LMLN: variants seen among roughly 807,000 people sequenced by gnomAD.
The protein encoded by LMLN is leishmanolysin like peptidase.
A neutral mutation model predicts 92.3 loss-of-function variants in LMLN; 70 were observed. The observed-to-expected ratio is 0.76, with a 90% CI of 0.63 to 0.92. The LOEUF is 0.92. LMLN is among the 40% of genes least tolerant of loss of function. The pLI, the probability that LMLN is intolerant of heterozygous loss-of-function variation, is 0.00. For synonymous variants in LMLN, 308 were observed against 296.2 expected (o/e 1.04, Z -0.41); for missense variants, 691 against 814.6 (o/e 0.85, Z 1.85).
intron 7 of LMLN, among the ~76,000 whole-genome samples, chr3:197,984,282 G>T (rs542873889): frequency 6.6e-6 from 1 of 151,968 alleles, no homozygotes; most frequent in Non-Finnish European, 1.5e-5. Flanking sequence ...TGGGAGGATG[G>T]CTTGAGCCCA....
At chr3:197,967,732 G>T (rs1484140174) in intron 1 of LMLN, among the ~76,000 whole-genome samples, 8 of 152,138 alleles carry the variant, frequency 5.3e-5, no homozygotes, top group African/African-American at 1.9e-4. Context: ...AACCCTGAGG[G>T]TACTGCAGGA....
At chr3:198,030,857 G>A (rs1290217026) in intron 14 of LMLN, among the ~76,000 whole-genome samples, 1 of 152,162 alleles carries the variant, frequency 6.6e-6, no homozygotes, top group African/African-American at 2.4e-5. Context: ...GACGCCTGCT[G>A]ACAGCGTGGG....
At chr3:198,010,165 A>G (rs944409370) in intron 11 of LMLN, among the ~76,000 whole-genome samples, 1 of 151,834 alleles carries the variant, frequency 6.6e-6, no homozygotes, top group African/African-American at 2.4e-5. Context: ...GATGATGATT[A>G]TTTTTTGAGA....
At chr3:198,011,850 G>T (rs930128906) in intron 11 of LMLN, among the ~76,000 whole-genome samples, 14 of 152,098 alleles carry the variant, frequency 9.2e-5, no homozygotes, top group African/African-American at 3.4e-4. Flanking sequence ...AAAAGCAATG[G>T]CAACAAAAGC....
intron 9 of LMLN, among the ~76,000 whole-genome samples, chr3:197,992,751 T>G (rs1261295340): frequency 1.3e-5 from 2 of 151,994 alleles, no homozygotes; most frequent in Non-Finnish European, 2.9e-5. Context: ...TCCAAAAAAT[T>G]GAAGAGGAGG....
chr3:198,021,634 T>C (rs1158153416), intron 13 of LMLN, 29 bp downstream of exon 14: 1 of 1,582,186 alleles, frequency 6.3e-7, no homozygotes, highest in Admixed American at 1.7e-5. Context: ...TGAAGTATTA[T>C]ATACATATTA....
intron 8 of LMLN, among the ~76,000 whole-genome samples, chr3:197,989,218 C>G (rs1434708278): frequency 1.3e-5 from 2 of 152,186 alleles, no homozygotes; most frequent in African/African-American, 4.8e-5. Context: ...CACACCGCTC[C>G]TGTTTCTACG....
chr3:197,991,213 C>T (rs926495485), intron 9 of LMLN, among the ~76,000 whole-genome samples: 3 of 151,324 alleles, frequency 2.0e-5, no homozygotes, highest in Non-Finnish European at 1.5e-5. Flanking sequence ...AAGTGATCCT[C>T]CTACTTCTGC....
chr3:197,970,986 A>G (rs1721207875), intron 1 of LMLN, among the ~76,000 whole-genome samples: 1 of 152,174 alleles, frequency 6.6e-6, no homozygotes, highest in Non-Finnish European at 1.5e-5. Flanking sequence ...TGTATGTGAA[A>G]TGTCTTTATT....
intron 4 of LMLN, chr3:197,976,371 C>T: frequency 2.1e-6 from 1 of 481,552 alleles, no homozygotes; most frequent in Non-Finnish European, 3.7e-6. Flanking sequence ...CTTTTTCCCT[C>T]TTTCATGTGG....
chr3:197,985,974 C>A, intron 8 of LMLN, 84 bp downstream of exon 8: 3 of 805,952 alleles, frequency 3.7e-6, no homozygotes, highest in Non-Finnish European at 6.2e-6. Flanking sequence ...TATTAGATGC[C>A]ATAAATAATA....
chr3:197,981,722 A>G (rs934303415), intron 6 of LMLN, among the ~76,000 whole-genome samples: 8 of 152,218 alleles, frequency 5.3e-5, no homozygotes, highest in Non-Finnish European at 1.0e-4. Context: ...ATGTCTCAGA[A>G]TAGATTGTAT....
At chr3:197,982,006 A>G (rs191339699) in intron 6 of LMLN, among the ~76,000 whole-genome samples, 51 of 152,114 alleles carry the variant, frequency 3.4e-4, no homozygotes, top group Admixed American at 2.7e-3. Context: ...GGCTTTCACT[A>G]TGTTGGCCAG....
intron 11 of LMLN, 26 bp downstream of exon 12, chr3:198,003,151 C>A: frequency 1.6e-6 from 2 of 1,244,836 alleles, no homozygotes; most frequent in South Asian, 1.3e-5. Flanking sequence ...CTCACAGTGT[C>A]ACTGATTACA....
At chr3:197,995,145 C>T (rs924562237) in intron 9 of LMLN, among the ~76,000 whole-genome samples, 1 of 152,196 alleles carries the variant, frequency 6.6e-6, no homozygotes, top group Non-Finnish European at 1.5e-5. Context: ...TTTATGAGGA[C>T]CCACTTCCAC....
At chr3:198,017,872 G>A (rs1308775156) in intron 11 of LMLN, among the ~76,000 whole-genome samples, 3 of 152,066 alleles carry the variant, frequency 2.0e-5, no homozygotes, top group Non-Finnish European at 4.4e-5. Flanking sequence ...AGCCGAGATC[G>A]CACTACTGCA....
At chr3:198,035,227 G>C (rs1293223107) in intron 14 of LMLN, among the ~76,000 whole-genome samples, 1 of 150,290 alleles carries the variant, frequency 6.7e-6, no homozygotes, top group Non-Finnish European at 1.5e-5. Flanking sequence ...AGCTGTATGT[G>C]TGTGCCCCCT....
chr3:197,984,962 G>A (rs1326032825), intron 7 of LMLN, among the ~76,000 whole-genome samples: 1 of 152,130 alleles, frequency 6.6e-6, no homozygotes, highest in Non-Finnish European at 1.5e-5. Flanking sequence ...ACAGGCATGA[G>A]CCACCGCGCC....
chr3:197,985,583 C>A, intron 7 of LMLN: 1 of 354,508 alleles, frequency 2.8e-6, no homozygotes, highest in African/African-American at 2.1e-5. Flanking sequence ...GAAAATTTCT[C>A]GTTAGAAATA....
Sources: allele counts gnomAD v4.1 joint callset (sites outside exome capture counted in the v4.1 genomes callset), GRCh38; gene constraint gnomAD v4.1.1; transcripts MANE v1.5; gene names NCBI Gene and HGNC (gene_info 2026-07-23, HGNC 2026-07-21).